STPG2: variants seen among roughly 807,000 people sequenced by gnomAD.
STPG2 encodes the protein sperm-tail PG-rich repeat-containing protein 2.
Under a neutral mutation model 54.2 loss-of-function variants are expected in STPG2, and 56 were observed. The ratio of observed to expected loss-of-function variants is 1.03; its 90% CI spans 0.83 to 1.29. STPG2 has a LOEUF of 1.29. STPG2 is among the 50% of genes most tolerant of loss of function. The probability of loss-of-function intolerance (pLI) is 0.00; values close to 1 mark genes in which losing one functional copy is unlikely to be tolerated. For missense variants in STPG2, 596 were observed against 544.9 expected, an observed-to-expected ratio of 1.09 and a Z score of -0.93; for synonymous variants, 200 against 181.8, an observed-to-expected ratio of 1.10 and a Z score of -0.81.
chr4:97,993,990 A>C (rs1025249981), intron 5 of STPG2, among the ~76,000 whole-genome samples: 1 of 152,000 alleles, frequency 6.6e-6, no homozygotes, highest in Non-Finnish European at 1.5e-5. Context: ...TTCTTCATTA[A>C]TCTCACTAAT....
intron 10 of STPG2, among the ~76,000 whole-genome samples, chr4:97,663,964 A>G (rs1254001887): frequency 6.6e-6 from 1 of 152,206 alleles, no homozygotes; most frequent in Non-Finnish European, 1.5e-5. Flanking sequence ...TAAAGTTATT[A>G]TTAAAATAGT....
chr4:97,636,740 A>G (rs1308588152), intron 10 of STPG2, among the ~76,000 whole-genome samples: 2 of 152,262 alleles, frequency 1.3e-5, no homozygotes, highest in African/African-American at 4.8e-5. Context: ...TAGAAAATCT[A>G]GAAGAAATGG....
chr4:97,636,833 A>G (rs994995287), intron 10 of STPG2, among the ~76,000 whole-genome samples: 4 of 152,020 alleles, frequency 2.6e-5, no homozygotes, highest in African/African-American at 9.7e-5. Context: ...CAGGATCTGA[A>G]ATTGTGGCAA....
chr4:97,946,932 G>T (rs1300112830), intron 7 of STPG2, among the ~76,000 whole-genome samples: 1 of 152,112 alleles, frequency 6.6e-6, no homozygotes, highest in Non-Finnish European at 1.5e-5. Flanking sequence ...TGTGAAAAAT[G>T]ATGCTGGTAT....
chr4:97,627,301 T>C (rs934184062), intron 10 of STPG2, among the ~76,000 whole-genome samples: 3 of 152,158 alleles, frequency 2.0e-5, no homozygotes, highest in Admixed American at 6.5e-5. Flanking sequence ...AGACTTAATA[T>C]TTGCATCACC....
chr4:97,672,743 T>C (rs996573884), intron 10 of STPG2, among the ~76,000 whole-genome samples: 1 of 152,232 alleles, frequency 6.6e-6, no homozygotes, highest in Non-Finnish European at 1.5e-5. Context: ...GAGATCAGTA[T>C]GCATTTAACT....
rs557441103 is a variant in STPG2 at position 97,815,822 on chromosome 4, C to T, written c.1204+24951G>A. ...GAATGCCAAGCTGACAAGAGGTAGA[C>T]TTGTGATAGCTAATTTCATGTGTCA... On this transcript the variant is annotated intron_variant, in intron 9 of 10. Coordinates refer to ENST00000295268, the MANE Select transcript of STPG2 (RefSeq NM_174952.3). Among the ~76,000 whole-genome samples, 19 of 152,200 alleles carry T rather than the reference C, an allele frequency of 1.2e-4. No homozygotes were observed. The East Asian group carries it at 1.9e-3, about 15-fold the overall frequency.
At chr4:97,685,881 C>T (rs1191389365) in intron 10 of STPG2, among the ~76,000 whole-genome samples, 1 of 152,118 alleles carries the variant, frequency 6.6e-6, no homozygotes, top group African/African-American at 2.4e-5. Context: ...GCAAGGAGAG[C>T]AGTCTGACTA....
intron 9 of STPG2, among the ~76,000 whole-genome samples, chr4:97,814,077 C>A (rs577933682): frequency 6.6e-6 from 1 of 152,020 alleles, no homozygotes; most frequent in Non-Finnish European, 1.5e-5. Flanking sequence ...CATGAAAAAT[C>A]AAAAACAGTA....
intron 8 of STPG2, among the ~76,000 whole-genome samples, chr4:97,941,007 T>C (rs1253362365): frequency 3.3e-5 from 5 of 152,166 alleles, no homozygotes; most frequent in Non-Finnish European, 7.4e-5. Context: ...TACTAAACTT[T>C]ATGAACTATT....
chr4:97,931,513 T>A (rs1190214095), intron 8 of STPG2, among the ~76,000 whole-genome samples: 4 of 152,346 alleles, frequency 2.6e-5, no homozygotes, highest in African/African-American at 9.6e-5. Context: ...GAAACAACCT[T>A]GAATCCTGGA....
intron 10 of STPG2, among the ~76,000 whole-genome samples, chr4:97,705,523 A>AC (rs1723914704): frequency 6.6e-6 from 1 of 151,802 alleles, no homozygotes; most frequent in Non-Finnish European, 1.5e-5. Context: ...ACGGGGTTTC[A>AC]TCATGTTGAC....
intron 9 of STPG2, among the ~76,000 whole-genome samples, chr4:97,822,819 C>T (rs554945741): frequency 2.0e-5 from 3 of 152,176 alleles, no homozygotes; most frequent in Non-Finnish European, 4.4e-5. Flanking sequence ...ACCCCCATGA[C>T]CCAAACTCTT....
rs546093770 is a variant in STPG2, at chr4:97,541,974, G to A, written c.462+170725C>T. On this transcript the variant is annotated intron_variant, in intron 4 of 4. Transcript: ENST00000522676. Reference sequence around the variant, plus strand: ...ACACCTTATACAAAAATTAATTCAAGATGGATTAAAGACTTAAACGTTAGA... The same window carrying A: ...ACACCTTATACAAAAATTAATTCAAAATGGATTAAAGACTTAAACGTTAGA... 2.0e-4 allele frequency among the ~76,000 whole-genome samples: 30 copies of A among 152,262 alleles called. No individual in the cohort carries two copies. The East Asian group carries it at 5.8e-3, about 29-fold the overall frequency.
At chr4:97,692,103 C>T (rs999731593) in intron 10 of STPG2, among the ~76,000 whole-genome samples, 11 of 151,960 alleles carry the variant, frequency 7.2e-5, no homozygotes, top group African/African-American at 2.2e-4. Context: ...AAAACAACTC[C>T]AGTAATATGA....
chr4:98,096,050 C>T (rs1738846899), intron 5 of STPG2, among the ~76,000 whole-genome samples: 1 of 152,048 alleles, frequency 6.6e-6, no homozygotes, highest in Non-Finnish European at 1.5e-5. Context: ...AAGCAATATG[C>T]TCCTTAATGA....
chr4:97,912,793 T>C (rs998039977), intron 8 of STPG2, among the ~76,000 whole-genome samples: 2 of 152,222 alleles, frequency 1.3e-5, no homozygotes, highest in African/African-American at 4.8e-5. Context: ...GGAGATGCCA[T>C]GCATTGGCAT....
chr4:98,035,774 G>C (rs955155213), intron 5 of STPG2, among the ~76,000 whole-genome samples: 2 of 152,072 alleles, frequency 1.3e-5, no homozygotes, highest in African/African-American at 4.8e-5. Flanking sequence ...CCATAAAAAA[G>C]GATGAGTTCA....
chr4:97,912,091 C>A (rs1160672716), intron 8 of STPG2, among the ~76,000 whole-genome samples: 2 of 151,918 alleles, frequency 1.3e-5, no homozygotes, highest in African/African-American at 4.8e-5. Context: ...CACGCGGCAG[C>A]CCTGCAGAAG....
Sources: gnomAD v4.1 joint callset for allele counts (sites outside exome capture counted in the v4.1 genomes callset) on GRCh38, gnomAD v4.1.1 for gene constraint, MANE v1.5 for transcripts, NCBI Gene and HGNC (gene_info 2026-07-23, HGNC 2026-07-21) for gene names.